Variants in PAQR3 observed in about 807,000 individuals in gnomAD.
PAQR3 encodes the protein progestin and adipoQ receptor family member 3.
In PAQR3, 39 loss-of-function variants were observed where a neutral mutation model predicts 41.7. The ratio of observed to expected loss-of-function variants is 0.93; its 90% CI spans 0.72 to 1.22. The LOEUF is 1.22. Among genes scored for constraint, PAQR3 ranks in the 50% most tolerant of loss-of-function variants. The probability of loss-of-function intolerance (pLI) is 0.00; values close to 1 mark genes in which losing one functional copy is unlikely to be tolerated. For synonymous variants in PAQR3, 140 were observed against 140.6 expected, an observed-to-expected ratio of 1.00 and a Z score of 0.03; for missense variants, 366 against 385.6, an observed-to-expected ratio of 0.95 and a Z score of 0.42.
chr4:78,897,844 TA>T (rs1366888506), intron 11 of PAQR3, among the ~76,000 whole-genome samples: 2 of 152,238 alleles, frequency 1.3e-5, no homozygotes, highest in African/African-American at 4.8e-5. Flanking sequence ...AGGATTATTA[TA>T]AAGATTACAG....
In PAQR3 at chr4:78,918,363, G is replaced by T; in HGVS notation, c.*2176C>A. On this transcript the variant is annotated 3_prime_UTR_variant, in exon 6 of 6. Transcript: ENST00000512733. Reference sequence around the variant, plus strand: ...TCTTCAAAATTTTACCAGTAGTGCTGTGCACACAGTAGGTGGTCATTAAAT... The same window carrying T: ...TCTTCAAAATTTTACCAGTAGTGCTTTGCACACAGTAGGTGGTCATTAAAT... The T allele has an allele frequency of 1.0e-6, 1 of 978,610 alleles. No individual in the cohort carries two copies. The highest frequency in any genetic ancestry group is 1.2e-6 in the Non-Finnish European group (1 of 823,426). The allele number at this position is 978,610 out of a possible 1,614,324, so 60.6% of individuals were successfully genotyped here. A position where few individuals can be genotyped will look rare whatever the true frequency, so the allele number is the denominator to read the frequency against.
Position 78,939,296 on chromosome 4 carries a change from C to G in PAQR3, c.-72G>C. The G allele has an allele frequency of 1.4e-6, 2 of 1,399,700 alleles. No individual in the cohort carries two copies. The highest frequency in any genetic ancestry group is 1.9e-6 in the Non-Finnish European group (2 of 1,056,982). The allele number at this position is 1,399,700 out of a possible 1,614,324, so 86.7% of individuals were successfully genotyped here. On this transcript the variant is annotated 5_prime_UTR_variant, in exon 1 of 6. Transcript: ENST00000512733. ...CCGCCTCCCCGGGGAGGGGGCTTCG[C>G]CGCTGGCGCCCCCGCCCCGGAGCCC...
chr4:78,889,763 A>G (rs767433543), intron 11 of PAQR3, among the ~76,000 whole-genome samples: 16 of 152,256 alleles, frequency 1.1e-4, no homozygotes, highest in Non-Finnish European at 2.2e-4. Context: ...ATACAGAATG[A>G]TAAGTATATG....
intron 2 of PAQR3, among the ~76,000 whole-genome samples, chr4:78,931,129 C>T (rs183670831): frequency 7.0e-6 from 1 of 142,586 alleles, no homozygotes; most frequent in Non-Finnish European, 1.5e-5. Context: ...GTGGGAGGAT[C>T]TCTTGAGCGC....
At chr4:78,927,307 C>A (rs927370017) in intron 3 of PAQR3, among the ~76,000 whole-genome samples, 2 of 152,154 alleles carry the variant, frequency 1.3e-5, no homozygotes, top group African/African-American at 4.8e-5. Flanking sequence ...TTGAACTTTA[C>A]CACACTGGCA....
Position 78,915,909 on chromosome 4 carries a change from G to A in PAQR3, c.*4630C>T, listed in dbSNP as rs770855450. 7 of 151,866 alleles carry A rather than the reference G, an allele frequency of 4.6e-5. No individual in the cohort carries two copies. The highest frequency in any genetic ancestry group is 1.0e-4 in the Non-Finnish European group (7 of 67,852). 9.4% of individuals were successfully genotyped at this position (151,866 alleles called of 1,614,324 possible). ...GTCATCTAATAGAAGCTGTATAGAA[G>A]CTACTTTTTAATTGCTGGCAAACAG... On this transcript the variant is annotated 3_prime_UTR_variant, in exon 6 of 6. Transcript: ENST00000512733.
chr4:78,931,644 G>A (rs1736909676), intron 2 of PAQR3, among the ~76,000 whole-genome samples: 1 of 152,094 alleles, frequency 6.6e-6, no homozygotes, highest in African/African-American at 2.4e-5. Context: ...TGGAAAAGGT[G>A]GGAGGATATT....
chr4:78,910,746 G>A, downstream of PAQR3: 2 of 1,613,896 alleles, frequency 1.2e-6, no homozygotes, highest in South Asian at 2.2e-5. Context: ...AGGGTCAAGT[G>A]CAAAAGGGGA....
intron 3 of PAQR3, among the ~76,000 whole-genome samples, chr4:78,929,740 C>T (rs1320751173): frequency 6.6e-6 from 1 of 152,090 alleles, no homozygotes; most frequent in Non-Finnish European, 1.5e-5. Flanking sequence ...GATATATTTT[C>T]CTGTATTTTT....
At position 78,919,394 on chromosome 4, in the gene PAQR3, T is replaced by TA; in HGVS notation, c.*1144dup. 1 of 984,536 alleles carries TA rather than the reference T, an allele frequency of 1.0e-6. No homozygotes were observed. The highest frequency in any genetic ancestry group is 1.7e-5 in the African/African-American group (1 of 57,296). 61.0% of individuals were successfully genotyped at this position (984,536 alleles called of 1,614,324 possible). On this transcript the variant is annotated 3_prime_UTR_variant, in exon 6 of 6. Coordinates refer to ENST00000512733, the MANE Select transcript of PAQR3 (RefSeq NM_001040202.2). ...AGAATAAGAGGGCTACAATGTATGA[T>TA]AGGGCAGTGAGTTCTATTTTTTAAG...
intron 11 of PAQR3, among the ~76,000 whole-genome samples, chr4:78,890,462 C>T (rs1187933581): frequency 6.6e-6 from 1 of 151,936 alleles, no homozygotes; most frequent in Admixed American, 6.6e-5. Flanking sequence ...GTTTTTGACA[C>T]AGTTTTTGGT....
At position 78,916,152 on chromosome 4, in the gene PAQR3, C is replaced by G. The variant is rs571506365; in HGVS notation, c.*4387G>C. On this transcript the variant is annotated 3_prime_UTR_variant, in exon 6 of 6. Coordinates refer to ENST00000512733, the MANE Select transcript of PAQR3 (RefSeq NM_001040202.2). ...TATGAGATAGACTCAGTCTCCCCCT[C>G]CCACCCCTTTTCCCCTGCCATATCT... is the stretch of plus-strand genomic sequence containing the variant. 2 of 152,016 alleles carry G rather than the reference C, an allele frequency of 1.3e-5. No individual in the cohort carries two copies. The highest frequency in any genetic ancestry group is 1.3e-4 in the Admixed American group (2 of 15,234). 9.4% of individuals were successfully genotyped at this position (152,016 alleles called of 1,614,324 possible).
Position 78,920,476 on chromosome 4 carries a change from G to GGGT in PAQR3, c.*60_*62dup. 2 of 1,499,288 alleles carry GGGT rather than the reference G, an allele frequency of 1.3e-6. No homozygotes were observed. The highest frequency in any genetic ancestry group is 1.8e-6 in the Non-Finnish European group (2 of 1,121,002). 92.9% of individuals were successfully genotyped at this position (1,499,288 alleles called of 1,614,324 possible). ...ACTAATGGGAATCTTAGAAATAGTG[G>GGGT]GGTATACAATTCCCCATTATATATT... is the stretch of plus-strand genomic sequence containing the variant. On this transcript the variant is annotated 3_prime_UTR_variant, in exon 6 of 6. Transcript: ENST00000512733.
intron 11 of PAQR3, among the ~76,000 whole-genome samples, chr4:78,888,599 G>A (rs1212279466): frequency 6.6e-6 from 1 of 152,204 alleles, no homozygotes; most frequent in Non-Finnish European, 1.5e-5. Context: ...GAAATGAATA[G>A]TAGAGTTAGG....
At chr4:78,910,673 T>C, downstream of PAQR3, 1 of 1,604,404 alleles carries the variant, frequency 6.2e-7, no homozygotes, top group East Asian at 2.2e-5. Context: ...GCAAACCCTA[T>C]CAAGAACGGT....
rs1349553021 is a variant in PAQR3, at chr4:78,939,425, T to A, written c.-201A>T. The A allele has an allele frequency of 2.0e-5, 5 of 253,034 alleles. No homozygotes were observed. Among genetic ancestry groups the A allele is most frequent in the Non-Finnish European group, 3.5e-5 (5 of 141,542 alleles). 15.7% of individuals were successfully genotyped at this position (253,034 alleles called of 1,614,324 possible). A position where few individuals can be genotyped will look rare whatever the true frequency, so the allele number is the denominator to read the frequency against. On this transcript the variant is annotated 5_prime_UTR_variant, in exon 1 of 6. Transcript: ENST00000512733. ...CAGCGCCGCGGCGGACCCGGCAGCGTCGCAGCCTCCTCTGACGTCAGCGCG... is the reference window on the plus strand; with the variant it reads ...CAGCGCCGCGGCGGACCCGGCAGCGACGCAGCCTCCTCTGACGTCAGCGCG...
intron 4 of PAQR3, 51 bp from the exon 5 acceptor site, chr4:78,923,998 C>CT (rs1481737814): frequency 7.7e-7 from 1 of 1,298,314 alleles, no homozygotes; most frequent in Non-Finnish European, 1.1e-6. Context: ...TTACTGAACT[C>CT]TAAATTTATT....
chr4:78,931,185 TAAAAAAA>T (rs1553925635), intron 2 of PAQR3, among the ~76,000 whole-genome samples: 1 of 115,062 alleles, frequency 8.7e-6, no homozygotes, highest in African/African-American at 3.6e-5. Flanking sequence ...CCTCATTTCT[TAAAAAAA>T]AAAAAAAAAA....
intron 2 of PAQR3, among the ~76,000 whole-genome samples, chr4:78,934,416 A>G (rs925084382): frequency 1.3e-5 from 2 of 152,210 alleles, no homozygotes; most frequent in Admixed American, 6.5e-5. Context: ...GGGGATAATA[A>G]GTTTTTCATT....
Sources: gnomAD v4.1 joint callset for allele counts (sites outside exome capture counted in the v4.1 genomes callset) on GRCh38, gnomAD v4.1.1 for gene constraint, MANE v1.5 for transcripts, NCBI Gene and HGNC (gene_info 2026-07-23, HGNC 2026-07-21) for gene names.